The following NAV2 variants were observed in gnomAD, a reference collection of about 807,000 sequenced individuals.
NAV2 encodes the protein neuron navigator 2, also known as helicase, APC down-regulated 1.
NAV2 carries 54 observed loss-of-function variants against 223.2 expected under a neutral mutation model. That is an observed-to-expected ratio of 0.24 (90% CI 0.19 to 0.30). The LOEUF (loss-of-function observed/expected upper bound fraction) is 0.30, where lower values mean the gene tolerates loss of function less well. Among genes scored for constraint, NAV2 ranks in the 10% least tolerant of loss-of-function variants. The pLI is 1.00. For missense variants in NAV2, 2,806 were observed against 3,147.5 expected (o/e 0.89, Z 2.60); for synonymous variants, 1,279 against 1,239.3 (o/e 1.03, Z -0.67).
intron 1 of NAV2, among the ~76,000 whole-genome samples, chr11:19,653,408 A>T (rs1011962459): frequency 6.6e-5 from 10 of 152,326 alleles, no homozygotes; most frequent in South Asian, 6.2e-4. Context: ...AACATTTATT[A>T]AACCTCTTCT....
intron 1 of NAV2, among the ~76,000 whole-genome samples, chr11:19,455,521 A>T (rs75543288): frequency 6.6e-6 from 1 of 152,178 alleles, no homozygotes; most frequent in East Asian, 1.9e-4. Context: ...TGTAATTTCT[A>T]CAAGGCAAGA....
Position 20,049,882 on chromosome 11 carries a change from C to G in NAV2, c.4417C>G (p.Leu1473Val), listed in dbSNP as rs1466033352. 6.2e-7 allele frequency: 1 copy of G among 1,614,164 alleles called. No individual in the cohort carries two copies. The change falls in exon 16 of 38, where the codon CTG becomes GTG. Residue 1473 changes from leucine (L) to valine (V), a missense_variant. Leu to Val is a conservative substitution (Grantham distance 32, BLOSUM62 1). Coordinates refer to ENST00000349880, the MANE Select transcript of NAV2 (RefSeq NM_145117.5). ...TAGCCCTAAGTTCTGCAGAAGTACT[C>G]TGCCCAGGAAACAGGACAGGTAATG... ...AASPKFCRST[L>V]PRKQDSDPHL...
chr11:19,750,222 A>G (rs2053693430), intron 1 of NAV2, among the ~76,000 whole-genome samples: 1 of 152,128 alleles, frequency 6.6e-6, no homozygotes, highest in Non-Finnish European at 1.5e-5. Flanking sequence ...AGTTTTATCA[A>G]CAGCTCCTCT....
At chr11:19,856,596 G>A (rs906075470) in intron 3 of NAV2, among the ~76,000 whole-genome samples, 1 of 152,154 alleles carries the variant, frequency 6.6e-6, no homozygotes, top group African/African-American at 2.4e-5. Flanking sequence ...GACGTTTCTA[G>A]TATTGTGCCT....
chr11:19,652,543 TC>T, intron 1 of NAV2, among the ~76,000 whole-genome samples: 1 of 152,042 alleles, frequency 6.6e-6, no homozygotes, highest in East Asian at 1.9e-4. Context: ...CCTCTTTTCT[TC>T]CCCCCACTCC....
chr11:19,584,941 T>C (rs1460419735), intron 1 of NAV2, among the ~76,000 whole-genome samples: 1 of 152,006 alleles, frequency 6.6e-6, no homozygotes, highest in African/African-American at 2.4e-5. Flanking sequence ...CCTTTTTAAC[T>C]TTCTGTCTCA....
chr11:19,432,603 G>A (rs1227603406), intron 1 of NAV2, among the ~76,000 whole-genome samples: 1 of 152,198 alleles, frequency 6.6e-6, no homozygotes, highest in East Asian at 1.9e-4. Context: ...GAGAAGACAT[G>A]GAGCATGGAG....
At chr11:19,824,659 A>G (rs1182381603) in intron 1 of NAV2, among the ~76,000 whole-genome samples, 1 of 152,200 alleles carries the variant, frequency 6.6e-6, no homozygotes. Flanking sequence ...TAAACCGTTA[A>G]GGAGAGAGGA....
chr11:19,599,239 A>G (rs945284967), intron 1 of NAV2, among the ~76,000 whole-genome samples: 1 of 152,056 alleles, frequency 6.6e-6, no homozygotes, highest in African/African-American at 2.4e-5. Flanking sequence ...TTTTCTCACC[A>G]TGTTCTTTGG....
At position 19,627,912 on chromosome 11, in the gene NAV2, CAA is replaced by C. The variant is rs72074806; in HGVS notation, c.76-204557_76-204556del. Among the ~76,000 whole-genome samples, 56 of 119,568 alleles carry C rather than the reference CAA, an allele frequency of 4.7e-4. No homozygotes were observed. In the South Asian group the frequency reaches 8.8e-3, roughly 19 times the overall value. The allele number at this position is 119,568 out of a possible 152,430, so 78.4% of individuals were successfully genotyped here. The stretch of plus-strand genomic sequence containing the variant: ...ACCTGAGCCTTAGTTTCCTTGTTTT[CAA>C]AAAAAAAAAAAAAAGAAGAAGAAGA... On this transcript the variant is annotated intron_variant, in intron 1 of 37. Coordinates refer to the NAV2 transcript ENST00000360655.
intron 1 of NAV2, among the ~76,000 whole-genome samples, chr11:19,785,158 G>A (rs886221261): frequency 6.6e-6 from 1 of 152,198 alleles, no homozygotes; most frequent in Non-Finnish European, 1.5e-5. Context: ...TAGAGTCCAG[G>A]ACTAAGAATC....
chr11:20,068,160 T>C, intron 20 of NAV2, 26 bp from the exon 21 acceptor site: 1 of 1,612,254 alleles, frequency 6.2e-7, no homozygotes, highest in Non-Finnish European at 8.5e-7. Context: ...TTAACTGGTC[T>C]AATTTCCTTT....
chr11:19,752,259 G>A (rs911515321), intron 1 of NAV2, among the ~76,000 whole-genome samples: 2 of 152,182 alleles, frequency 1.3e-5, no homozygotes, highest in African/African-American at 4.8e-5. Flanking sequence ...CCAGCAATGG[G>A]AGAAGCTGCA....
At chr11:19,897,403 A>G (rs2042080088) in intron 6 of NAV2, among the ~76,000 whole-genome samples, 1 of 152,166 alleles carries the variant, frequency 6.6e-6, no homozygotes, top group South Asian at 2.1e-4. Flanking sequence ...GGGAATTAAA[A>G]ATTGTAACAG....
At chr11:19,667,060 C>A (rs1402792379) in intron 1 of NAV2, among the ~76,000 whole-genome samples, 1 of 152,172 alleles carries the variant, frequency 6.6e-6, no homozygotes, top group Non-Finnish European at 1.5e-5. Context: ...AGACTAGACC[C>A]AGCCCCTCTC....
intron 1 of NAV2, among the ~76,000 whole-genome samples, chr11:19,733,324 A>T (rs1277363364): frequency 2.0e-5 from 3 of 152,216 alleles, no homozygotes; most frequent in African/African-American, 7.2e-5. Flanking sequence ...GTAAGATGAG[A>T]TAGAGAAGTT....
At chr11:20,096,764 G>T (rs1444902933) in intron 30 of NAV2, among the ~76,000 whole-genome samples, 2 of 152,172 alleles carry the variant, frequency 1.3e-5, no homozygotes, top group Non-Finnish European at 1.5e-5. Context: ...ACTGGAGATT[G>T]GTCCCCATCC....
At chr11:19,346,339 G>A (rs1477936592), upstream of NAV2, among the ~76,000 whole-genome samples, 1 of 152,208 alleles carries the variant, frequency 6.6e-6, no homozygotes, top group Non-Finnish European at 1.5e-5. Context: ...GGTGGGGGTG[G>A]TGTAGGTGGA....
intron 10 of NAV2, among the ~76,000 whole-genome samples, chr11:19,972,603 C>T (rs1233113594): frequency 6.6e-6 from 1 of 152,170 alleles, no homozygotes; most frequent in South Asian, 2.1e-4. Flanking sequence ...TTTGTACATG[C>T]GTGTCTGTGT....
Sources: gnomAD v4.1 joint callset for allele counts (sites outside exome capture counted in the v4.1 genomes callset) on GRCh38, gnomAD v4.1.1 for gene constraint, MANE v1.5 for transcripts, NCBI Gene and HGNC (gene_info 2026-07-23, HGNC 2026-07-21) for gene names.